COL11A1: variants seen among roughly 807,000 people sequenced by gnomAD.
The protein encoded by COL11A1 is collagen type XI alpha 1 chain.
COL11A1 carries 74 observed loss-of-function variants against 265.2 expected under a neutral mutation model. The ratio of observed to expected loss-of-function variants is 0.28; its 90% CI spans 0.23 to 0.34. The LOEUF (loss-of-function observed/expected upper bound fraction) is 0.34. COL11A1 is among the 10% of genes least tolerant of loss of function. COL11A1 has a pLI of 1.00. For missense variants in COL11A1, 2,165 were observed against 2,263.6 expected (o/e 0.96, Z 0.88); for synonymous variants, 816 against 727.6 (o/e 1.12, Z -1.96).
intron 54 of COL11A1, 64 bp from the exon 55 acceptor site, chr1:102,899,058 G>A: frequency 1.1e-6 from 1 of 897,140 alleles, no homozygotes; most frequent in Non-Finnish European, 1.7e-6. Context: ...ATGAGCACTT[G>A]TTTACAAACA....
chr1:103,020,857 C>T (rs1666989539), intron 9 of COL11A1, among the ~76,000 whole-genome samples: 1 of 138,120 alleles, frequency 7.2e-6, no homozygotes, highest in Admixed American at 7.1e-5. Flanking sequence ...ATCCTTTCCC[C>T]ATTGCTTGTT....
chr1:102,990,708 G>A (rs1253005251), intron 28 of COL11A1, among the ~76,000 whole-genome samples: 2 of 152,076 alleles, frequency 1.3e-5, no homozygotes, highest in Non-Finnish European at 2.9e-5. Context: ...AAGTGCTGCG[G>A]AGTATTTTGA....
At chr1:103,026,381 A>G in intron 5 of COL11A1, 49 bp from the exon 6 acceptor site, 1 of 1,164,224 alleles carries the variant, frequency 8.6e-7, no homozygotes, top group South Asian at 1.2e-5. Context: ...GTGGCAAAAT[A>G]CTATTCACAA....
At chr1:102,920,158 C>T (rs1655809536) in intron 49 of COL11A1, among the ~76,000 whole-genome samples, 153 bp downstream of exon 49, 1 of 152,032 alleles carries the variant, frequency 6.6e-6, no homozygotes, top group Non-Finnish European at 1.5e-5. Context: ...ATCATTTTAA[C>T]TTTAATTTTT....
Position 103,022,981 on chromosome 1 carries a change from C to T in COL11A1, c.1006G>A (p.Glu336Lys). The change falls in exon 8 of 67, where the codon GAA (glutamate) becomes AAA (lysine). Residue 336 changes from glutamate to lysine, a missense_variant. Transcript: ENST00000370096. ...GTTAGATATTCTTCAGTAAATATTT[C>T]TTCAACTGGATTTGGCTATTAATTT... ...SGTNEPNPVE[E>K]IFTEEYLTGE... 6.2e-7 allele frequency: 1 copy of T among 1,612,696 alleles called. No homozygotes were observed. Among genetic ancestry groups the T allele is most frequent in the Non-Finnish European group, 8.5e-7 (1 of 1,179,436 alleles).
At chr1:103,004,862 T>G (rs998234691) in intron 18 of COL11A1, among the ~76,000 whole-genome samples, 1 of 152,028 alleles carries the variant, frequency 6.6e-6, no homozygotes, top group African/African-American at 2.4e-5. Flanking sequence ...GCTAATAATA[T>G]TTTATAATTA....
intron 58 of COL11A1, among the ~76,000 whole-genome samples, 168 bp downstream of exon 58, chr1:102,890,283 T>G (rs1247829221): frequency 6.6e-6 from 1 of 152,116 alleles, no homozygotes; most frequent in Non-Finnish European, 1.5e-5. Flanking sequence ...ATTTGCATAT[T>G]TTCTCCCCTC....
At chr1:102,940,045 A>C (rs1325773301) in intron 43 of COL11A1, among the ~76,000 whole-genome samples, 1 of 152,154 alleles carries the variant, frequency 6.6e-6, no homozygotes, top group African/African-American at 2.4e-5. Context: ...TTTCAGAAGG[A>C]TATTCTTAAA....
intron 4 of COL11A1, among the ~76,000 whole-genome samples, chr1:103,042,194 T>C (rs1025862354): frequency 6.6e-6 from 1 of 152,104 alleles, no homozygotes; most frequent in Non-Finnish European, 1.5e-5. Context: ...GCCGACACTA[T>C]GAATAGGAGG....
At chr1:102,918,737 T>C (rs912159287) in intron 49 of COL11A1, among the ~76,000 whole-genome samples, 2 of 152,014 alleles carry the variant, frequency 1.3e-5, no homozygotes, top group Non-Finnish European at 2.9e-5. Flanking sequence ...ATGATTCAGA[T>C]TGACTGAATT....
At chr1:103,032,863 A>T (rs552815906) in intron 4 of COL11A1, among the ~76,000 whole-genome samples, 8 of 152,250 alleles carry the variant, frequency 5.3e-5, no homozygotes, top group Non-Finnish European at 1.0e-4. Flanking sequence ...TCACATATAA[A>T]ATCAATTATA....
chr1:103,033,065 G>A (rs1206772157), intron 4 of COL11A1, among the ~76,000 whole-genome samples: 2 of 151,982 alleles, frequency 1.3e-5, no homozygotes, highest in Non-Finnish European at 2.9e-5. Flanking sequence ...TAAAAATTGG[G>A]CATTTCACCT....
chr1:102,913,866 CA>C (rs914753709), intron 52 of COL11A1, among the ~76,000 whole-genome samples, 176 bp from the exon 53 acceptor site: 1 of 152,004 alleles, frequency 6.6e-6, no homozygotes, highest in East Asian at 1.9e-4. Flanking sequence ...TCACTCTCCG[CA>C]AAAAAATTTG....
chr1:103,000,897 C>G, intron 24 of COL11A1: 1 of 341,970 alleles, frequency 2.9e-6, no homozygotes, highest in Non-Finnish European at 5.2e-6. Flanking sequence ...CCTGGTATAC[C>G]CAATCAATGG....
At chr1:102,915,799 A>G (rs546394269) in intron 49 of COL11A1, 115 bp from the exon 50 acceptor site, 2 of 828,958 alleles carry the variant, frequency 2.4e-6, no homozygotes, top group Admixed American at 5.7e-5. Flanking sequence ...TATTATTTAA[A>G]AGGCATTGAA....
intron 38 of COL11A1, among the ~76,000 whole-genome samples, chr1:102,963,037 CAG>C (rs1190976397): frequency 6.6e-6 from 1 of 152,106 alleles, no homozygotes; most frequent in African/African-American, 2.4e-5. Context: ...ATAATTTCTG[CAG>C]AGTGTGGCCA....
chr1:103,091,167 C>T (rs538758194), intron 1 of COL11A1, among the ~76,000 whole-genome samples: 16 of 152,072 alleles, frequency 1.1e-4, no homozygotes, highest in Non-Finnish European at 1.5e-4. Context: ...TTAAACACAG[C>T]GGGCCTCATC....
At chr1:103,031,426 C>A (rs75790800) in intron 4 of COL11A1, among the ~76,000 whole-genome samples, 182 bp from the exon 5 acceptor site, 1 of 152,000 alleles carries the variant, frequency 6.6e-6, no homozygotes, top group Non-Finnish European at 1.5e-5. Flanking sequence ...TTTTACAAAT[C>A]GGCTGTAAAT....
At chr1:103,071,198 C>G (rs867302567) in intron 4 of COL11A1, among the ~76,000 whole-genome samples, 4 of 151,724 alleles carry the variant, frequency 2.6e-5, no homozygotes, top group South Asian at 2.1e-4. Context: ...CCAAAGATGG[C>G]TATTTGTTAA....
Sources: allele counts gnomAD v4.1 joint callset (sites outside exome capture counted in the v4.1 genomes callset), GRCh38; gene constraint gnomAD v4.1.1; transcripts MANE v1.5; gene names NCBI Gene and HGNC (gene_info 2026-07-23, HGNC 2026-07-21).